Variants in NOTCH2 observed in about 807,000 individuals in gnomAD.
NOTCH2 encodes the protein notch receptor 2, also known as neurogenic locus notch homolog protein 2.
A neutral mutation model predicts 235.8 loss-of-function variants in NOTCH2; 29 were observed. The observed-to-expected ratio is 0.12, with a 90% CI of 0.09 to 0.17. NOTCH2 has a LOEUF of 0.17. NOTCH2 is among the 10% of genes least tolerant of loss of function. The pLI is 1.00. For synonymous variants in NOTCH2, 1,086 were observed against 1,141.5 expected (o/e 0.95, Z 0.98); for missense variants, 2,285 against 3,150.2 (o/e 0.73, Z 6.57).
intron 1 of NOTCH2, among the ~76,000 whole-genome samples, chr1:120,040,860 AC>A (rs1654517010): frequency 1.3e-5 from 2 of 149,978 alleles, no homozygotes; most frequent in Admixed American, 6.6e-5. Flanking sequence ...ACACGGTGAA[AC>A]CACATCTCTA....
chr1:119,935,396 T>C (rs782643534), intron 22 of NOTCH2, 76 bp downstream of exon 22: 18 of 1,612,794 alleles, frequency 1.1e-5, no homozygotes, highest in Non-Finnish European at 1.4e-5. Context: ...TTTTATAAAA[T>C]CCCCTGAACA....
chr1:119,923,501 C>A (rs587600840), intron 26 of NOTCH2, 136 bp downstream of exon 26: 6 of 789,438 alleles, frequency 7.6e-6, no homozygotes, highest in East Asian at 2.6e-5. Flanking sequence ...ACTGGGGTAA[C>A]GGGTTTATCT....
intron 5 of NOTCH2, among the ~76,000 whole-genome samples, chr1:119,970,939 C>T (rs797026079): frequency 4.6e-5 from 7 of 152,118 alleles, no homozygotes; most frequent in Admixed American, 3.9e-4. Flanking sequence ...GATAAAGAGG[C>T]CTCCTAATAA....
At chr1:120,068,908 C>G in intron 1 of NOTCH2, 3 of 806,030 alleles carry the variant, frequency 3.7e-6, no homozygotes, top group Non-Finnish European at 5.5e-6. Context: ...GCTTGGCGGC[C>G]CTGCCCCCGC....
At chr1:120,040,953 A>G (rs1654522129) in intron 1 of NOTCH2, among the ~76,000 whole-genome samples, 2 of 144,850 alleles carry the variant, frequency 1.4e-5, no homozygotes, top group Non-Finnish European at 3.0e-5. Flanking sequence ...AGGCAGGAGA[A>G]TGGAATGAAC....
Position 119,968,377 on chromosome 1 carries a change from G to A in NOTCH2, c.1109-145C>T, listed in dbSNP as rs587608980. 151 of 925,808 alleles carry A rather than the reference G, an allele frequency of 1.6e-4. No individual in the cohort carries two copies. In the South Asian group the frequency reaches 2.0e-3, roughly 13 times the overall value. 57.3% of individuals were successfully genotyped at this position (925,808 alleles called of 1,614,324 possible). ...TTTATACGCAACTTCTGCTTTGCCT[G>A]ACCCTACCTTGGGGACATGCTTGGC... On this transcript the variant is annotated intron_variant, in intron 6 of 33. Transcript: ENST00000256646.
intron 2 of NOTCH2, among the ~76,000 whole-genome samples, chr1:120,010,680 C>G (rs1653154635): frequency 6.6e-6 from 1 of 152,198 alleles, no homozygotes; most frequent in Non-Finnish European, 1.5e-5. Flanking sequence ...AAATTACTGG[C>G]TGACTACTTC....
At chr1:120,011,442 T>A (rs587698541) in intron 2 of NOTCH2, among the ~76,000 whole-genome samples, 141 of 152,332 alleles carry the variant, frequency 9.3e-4, no homozygotes, top group African/African-American at 2.7e-3. Context: ...ATTCAATGGT[T>A]TGGCGTATTC....
At chr1:119,967,375 A>G (rs1391853532) in intron 8 of NOTCH2, 58 bp downstream of exon 8, 3 of 1,456,558 alleles carry the variant, frequency 2.1e-6, no homozygotes, top group Non-Finnish European at 2.9e-6. Flanking sequence ...TGCTCTACCA[A>G]GAGAAGTTCA....
intron 2 of NOTCH2, among the ~76,000 whole-genome samples, chr1:120,029,510 C>G (rs1290544303): frequency 6.6e-6 from 1 of 150,650 alleles, no homozygotes; most frequent in Non-Finnish European, 1.5e-5. Context: ...GCCACCACAC[C>G]TGGCTAATTT....
chr1:120,000,741 A>G (rs587707937), intron 3 of NOTCH2, among the ~76,000 whole-genome samples: 76 of 151,332 alleles, frequency 5.0e-4, no homozygotes, highest in African/African-American at 1.8e-3. Flanking sequence ...TAATAGCAAA[A>G]CAACTCAAAA....
intron 5 of NOTCH2, among the ~76,000 whole-genome samples, chr1:119,986,708 C>T (rs1652032367): frequency 6.6e-6 from 1 of 152,128 alleles, no homozygotes; most frequent in Non-Finnish European, 1.5e-5. Flanking sequence ...TCATATCTGC[C>T]ACAGCATCTA....
chr1:119,940,464 T>G, intron 19 of NOTCH2, 91 bp downstream of exon 19: 3 of 1,207,358 alleles, frequency 2.5e-6, no homozygotes, highest in Non-Finnish European at 2.4e-6. Context: ...AATTTTCTCT[T>G]TTAGAAGGAA....
intron 1 of NOTCH2, among the ~76,000 whole-genome samples, chr1:120,030,212 C>G (rs1220530228): frequency 7.2e-5 from 11 of 152,122 alleles, no homozygotes; most frequent in Non-Finnish European, 1.3e-4. Context: ...GCTCTTATTT[C>G]TCTGTGTTTT....
chr1:119,959,532 C>T, intron 11 of NOTCH2, 30 bp from the exon 12 acceptor site: 1 of 1,167,566 alleles, frequency 8.6e-7, no homozygotes, highest in Non-Finnish European at 1.3e-6. Context: ...GGAAACCATT[C>T]AATGTTACCA....
At chr1:119,928,810 C>T (rs1282647402) in intron 23 of NOTCH2, among the ~76,000 whole-genome samples, 166 bp downstream of exon 23, 2 of 152,114 alleles carry the variant, frequency 1.3e-5, no homozygotes, top group Non-Finnish European at 2.9e-5. Context: ...TCATAACATC[C>T]ATAAAGTACA....
At chr1:119,948,808 A>AG (rs1455562559) in intron 16 of NOTCH2, among the ~76,000 whole-genome samples, 199 bp downstream of exon 16, 1 of 152,090 alleles carries the variant, frequency 6.6e-6, no homozygotes, top group Non-Finnish European at 1.5e-5. Context: ...TCCAGCCGCT[A>AG]GGGGGCCCCG....
rs1650861682 is a variant in NOTCH2, at chr1:119,959,650, C to T, written c.1916-148G>A. On this transcript the variant is annotated intron_variant, in intron 11 of 33. Coordinates refer to ENST00000256646, the MANE Select transcript of NOTCH2 (RefSeq NM_024408.4). ...AAAGCAGAAGTTCTCAAAATGCAGT[C>T]CACAGACTCGTTCAGGAAGATACAG... is the stretch of plus-strand genomic sequence containing the variant. The T allele has an allele frequency of 7.2e-6, 5 of 689,910 alleles. 1 individual carries two copies. Among genetic ancestry groups the T allele is most frequent in the African/African-American group, 3.5e-5 (2 of 56,602 alleles). The allele number at this position is 689,910 out of a possible 1,614,324, so 42.7% of individuals were successfully genotyped here. A position where few individuals can be genotyped will look rare whatever the true frequency, so the allele number is the denominator to read the frequency against.
In NOTCH2 at chr1:119,937,325, T is replaced by C. The variant is rs142876168; in HGVS notation, c.3479A>G (p.His1160Arg). The C allele has an allele frequency of 7.1e-4, 1,146 of 1,614,020 alleles. 11 individuals carry two copies. In the South Asian group the frequency reaches 9.1e-3, roughly 13 times the overall value. The change falls in exon 21 of 34, where the codon CAC (histidine) becomes CGC (arginine). Residue 1160 changes from histidine to arginine, a missense_variant. His to Arg is a conservative substitution (Grantham distance 29, BLOSUM62 0). Coordinates refer to ENST00000256646, the MANE Select transcript of NOTCH2 (RefSeq NM_024408.4). ...AATGAAGTCACTGCATGTTGCCCCG[T>C]GCTGGCAGGGGTTGGACGCACACTC... is the stretch of plus-strand genomic sequence containing the variant. ...LDECASNPCQHGATCSDFIGG... is the reference protein window; with the variant it reads ...LDECASNPCQRGATCSDFIGG...
Sources: gnomAD v4.1 joint callset for allele counts (sites outside exome capture counted in the v4.1 genomes callset) on GRCh38, gnomAD v4.1.1 for gene constraint, MANE v1.5 for transcripts, NCBI Gene and HGNC (gene_info 2026-07-23, HGNC 2026-07-21) for gene names.